Variants in PFKFB3 observed in about 807,000 individuals in gnomAD.
PFKFB3 encodes 6-phosphofructo-2-kinase/fructose-2,6-biphosphatase 3.
Under a neutral mutation model 68.0 loss-of-function variants are expected in PFKFB3, and 33 were observed. The ratio of observed to expected loss-of-function variants is 0.49; its 90% CI spans 0.37 to 0.65. PFKFB3 has a LOEUF of 0.65. Among genes scored for constraint, PFKFB3 ranks in the 30% least tolerant of loss-of-function variants. The pLI is 0.00. For synonymous variants in PFKFB3, 315 were observed against 288.2 expected (o/e 1.09, Z -0.94); for missense variants, 586 against 712.2 (o/e 0.82, Z 2.02).
chr10:6,277,146 C>T, the PFKFB3 span, among the ~76,000 whole-genome samples: 32 of 152,242 alleles, frequency 2.1e-4, no homozygotes, highest in East Asian at 5.4e-3. Flanking sequence ...GAAATGTAAT[C>T]CCCAGTGCTG....
intron 1 of PFKFB3, chr10:6,146,497 G>C: frequency 6.5e-7 from 1 of 1,534,982 alleles, no homozygotes; most frequent in Non-Finnish European, 8.7e-7. Context: ...ATTAATCCAG[G>C]TATGATTCGG....
At chr10:6,268,682 CT>C in the PFKFB3 span, among the ~76,000 whole-genome samples, 18 of 147,062 alleles carry the variant, frequency 1.2e-4, no homozygotes, top group East Asian at 2.0e-4. Context: ...GACTAGTTAA[CT>C]TTTTTTTTTG....
the PFKFB3 span, among the ~76,000 whole-genome samples, chr10:6,286,191 A>G: frequency 6.6e-6 from 1 of 151,804 alleles, no homozygotes; most frequent in South Asian, 2.1e-4. Context: ...GTTATCCTTG[A>G]TGGTCTCCAT....
intron 6 of PFKFB3, among the ~76,000 whole-genome samples, chr10:6,217,959 T>G (rs1020428426): frequency 6.6e-6 from 1 of 152,232 alleles, no homozygotes; most frequent in Admixed American, 6.5e-5. Flanking sequence ...TTAGAGGGGA[T>G]GCTAAGCATG....
At chr10:6,208,371 C>CTTTTTT (rs35447462) in intron 1 of PFKFB3, among the ~76,000 whole-genome samples, 3,417 of 60,502 alleles carry the variant, frequency 0.056, 407 homozygotes, top group East Asian at 0.16. Context: ...GGTACCTGGC[C>CTTTTTT]TTTTTTTTTT....
downstream of PFKFB3, among the ~76,000 whole-genome samples, chr10:6,237,083 C>T (rs1225107436): frequency 3.3e-5 from 5 of 152,230 alleles, no homozygotes; most frequent in African/African-American, 7.2e-5. Flanking sequence ...GCAGGGCCTT[C>T]GAGAGTGCCG....
the PFKFB3 span, among the ~76,000 whole-genome samples, chr10:6,311,149 C>G: frequency 6.6e-6 from 1 of 152,208 alleles, no homozygotes; most frequent in Admixed American, 6.5e-5. Context: ...CACAGCCTCT[C>G]CAGTCATATC....
chr10:6,275,559 C>A, the PFKFB3 span, among the ~76,000 whole-genome samples: 4 of 152,222 alleles, frequency 2.6e-5, no homozygotes, highest in Non-Finnish European at 5.9e-5. The surrounding 1 kb of genome is among the most constrained non-coding windows in gnomAD (Gnocchi z 4.9). Flanking sequence ...GTGCAAAGAA[C>A]CACACAATTG....
chr10:6,186,100 G>T (rs1045554041), intron 1 of PFKFB3, among the ~76,000 whole-genome samples: 1 of 152,094 alleles, frequency 6.6e-6, no homozygotes, highest in Non-Finnish European at 1.5e-5. Context: ...TGGTGTTTTC[G>T]GTGGTATATG....
Position 6,221,683 on chromosome 10 carries a change from T to A in PFKFB3, c.1021T>A (p.Tyr341Asn), listed in dbSNP as rs766867142. 5.6e-6 allele frequency: 9 copies of A among 1,610,878 alleles called. No homozygotes were observed. The highest frequency in any genetic ancestry group is 7.6e-6 in the Non-Finnish European group (9 of 1,178,946). ...GACCTACGAGGAGATCAGGGACACC[T>A]ACCCTGAGGAGTATGCGCTGCGGGA... ...ELTYEEIRDT[Y>N]PEEYALREQD... Residue 341 changes from tyrosine to asparagine, a missense_variant, in exon 10 of 15, where the codon TAC becomes AAC. Tyr to Asn is a moderately radical substitution (Grantham distance 143). Coordinates refer to ENST00000379775, the MANE Select transcript of PFKFB3 (RefSeq NM_004566.4).
intron 14 of PFKFB3, among the ~76,000 whole-genome samples, chr10:6,241,404 C>G (rs1257733361): frequency 6.6e-6 from 1 of 152,180 alleles, no homozygotes; most frequent in African/African-American, 2.4e-5. Flanking sequence ...CCACTCTTAC[C>G]AGGCTGGTAT....
chr10:6,192,287 C>T (rs566923724), intron 1 of PFKFB3, among the ~76,000 whole-genome samples: 3 of 152,140 alleles, frequency 2.0e-5, no homozygotes, highest in South Asian at 2.1e-4. Context: ...ATTGATCCAG[C>T]CCAGCCTGGA....
rs34741388 is a variant in PFKFB3, at chr10:6,220,013, G to C, written c.623+320G>C. On this transcript the variant is annotated intron_variant, in intron 7 of 14. Transcript: ENST00000379775. This position sits in a 1 kb window ranked among gnomAD's most constrained non-coding sequence, Gnocchi z 4.1. ...GTACAGGAAGTCAACATAGAGTTGA[G>C]CCTGATTTTGCTACTGTCCCTCCGA... Among the ~76,000 whole-genome samples the C allele has an allele frequency of 1.1e-4, 17 of 152,240 alleles. No homozygotes were observed. The East Asian group carries it at 3.3e-3, about 29-fold the overall frequency.
chr10:6,276,754 C>G, the PFKFB3 span, among the ~76,000 whole-genome samples: 1 of 152,046 alleles, frequency 6.6e-6, no homozygotes, highest in Non-Finnish European at 1.5e-5. Flanking sequence ...AATGTGACAT[C>G]TTACATAGCT....
the PFKFB3 span, among the ~76,000 whole-genome samples, chr10:6,315,705 C>T: frequency 6.6e-6 from 1 of 152,150 alleles, no homozygotes; most frequent in East Asian, 1.9e-4. Flanking sequence ...AGGCTGGTCT[C>T]GAACTCCTGA....
At chr10:6,295,882 C>A in the PFKFB3 span, among the ~76,000 whole-genome samples, 1 of 152,220 alleles carries the variant, frequency 6.6e-6, no homozygotes, top group Non-Finnish European at 1.5e-5. Flanking sequence ...AAAACTCACA[C>A]AAGCGTGGGC....
chr10:6,156,685 G>A (rs143096064), intron 1 of PFKFB3, among the ~76,000 whole-genome samples: 2,642 of 148,674 alleles, frequency 0.018, 75 homozygotes, highest in African/African-American at 0.062. Context: ...ATGGGGTTTC[G>A]CCATGTTGGC....
chr10:6,209,971 C>T (rs1159212075), intron 1 of PFKFB3, among the ~76,000 whole-genome samples: 1 of 151,406 alleles, frequency 6.6e-6, no homozygotes. Flanking sequence ...TCGCTGTGGT[C>T]TCGATCTCCT....
At position 6,171,109 on chromosome 10, in the gene PFKFB3, G is replaced by A. The variant is rs35304127; in HGVS notation, c.16+26096G>A. ...TGCAGTGGTGCAATGGTGCAATGGC[G>A]TGTTCTTGGCTCACCGCAACCTCCG... On this transcript the variant is annotated intron_variant, in intron 1 of 14. Coordinates refer to the PFKFB3 transcript ENST00000379789. Among the ~76,000 whole-genome samples the A allele has an allele frequency of 3.3e-5, 5 of 152,132 alleles. No homozygotes were observed. In the East Asian group the frequency reaches 5.8e-4, roughly 18 times the overall value.
Sources: allele counts gnomAD v4.1 joint callset (sites outside exome capture counted in the v4.1 genomes callset), GRCh38; gene constraint gnomAD v4.1.1; non-coding constraint Gnocchi (gnomAD v3.1); transcripts MANE v1.5; gene names NCBI Gene and HGNC (gene_info 2026-07-23, HGNC 2026-07-21).